Variants in PLCE1 observed in about 807,000 individuals in gnomAD.
The protein encoded by PLCE1 is phospholipase C epsilon 1.
PLCE1 carries 119 observed loss-of-function variants against 242.8 expected under a neutral mutation model. The ratio of observed to expected loss-of-function variants is 0.49; its 90% CI spans 0.42 to 0.57. The LOEUF is 0.57. Among genes scored for constraint, PLCE1 ranks in the 20% least tolerant of loss-of-function variants. The pLI is 0.00. For missense variants in PLCE1, 2,441 were observed against 2,788.8 expected (o/e 0.88, Z 2.81); for synonymous variants, 945 against 1,017.4 (o/e 0.93, Z 1.35).
At chr10:94,030,455 A>G (rs1487908589) in intron 1 of PLCE1, among the ~76,000 whole-genome samples, 2 of 149,786 alleles carry the variant, frequency 1.3e-5, no homozygotes, top group Non-Finnish European at 3.0e-5. Flanking sequence ...TTTTCTTTTT[A>G]GTTATTTAAG....
At chr10:94,156,824 T>G (rs966283250) in intron 3 of PLCE1, among the ~76,000 whole-genome samples, 2 of 152,006 alleles carry the variant, frequency 1.3e-5, no homozygotes, top group African/African-American at 4.8e-5. Context: ...GACACTCCTA[T>G]CACTAGGAAA....
intron 7 of PLCE1, among the ~76,000 whole-genome samples, chr10:94,239,366 T>C (rs1183379054): frequency 6.6e-6 from 1 of 152,212 alleles, no homozygotes; most frequent in Non-Finnish European, 1.5e-5. Context: ...AGTGTGTGGT[T>C]GTTCCTCCTG....
intron 4 of PLCE1, among the ~76,000 whole-genome samples, chr10:94,194,211 A>G (rs2048752339): frequency 6.6e-6 from 1 of 152,206 alleles, no homozygotes. Flanking sequence ...ATCCACCCAG[A>G]ACCAAATTTC....
At chr10:94,143,622 C>T (rs1215172559) in intron 3 of PLCE1, among the ~76,000 whole-genome samples, 4 of 152,098 alleles carry the variant, frequency 2.6e-5, no homozygotes, top group African/African-American at 4.8e-5. Flanking sequence ...ATTTAAACTT[C>T]TACTGGAATT....
At chr10:94,015,464 T>C (rs113287206) in intron 1 of PLCE1, among the ~76,000 whole-genome samples, 8 of 152,324 alleles carry the variant, frequency 5.3e-5, no homozygotes, top group Non-Finnish European at 1.2e-4. Flanking sequence ...ATGCATTGCA[T>C]CTATTGTTTA....
chr10:94,316,971 C>T (rs1164354185), intron 29 of PLCE1, among the ~76,000 whole-genome samples: 1 of 152,208 alleles, frequency 6.6e-6, no homozygotes, highest in African/African-American at 2.4e-5. Flanking sequence ...ATCCCTTAGA[C>T]CGGGCGTGGT....
intron 4 of PLCE1, among the ~76,000 whole-genome samples, chr10:94,179,512 G>GTTAGTTTTTTTTTTTTT (rs2048228281): frequency 5.2e-5 from 1 of 19,398 alleles, no homozygotes; most frequent in East Asian, 2.4e-3. Flanking sequence ...TTTTAGTTTA[G>GTTAGTTTTTTTTTTTTT]TTTTTTTTTT....
At chr10:94,011,825 T>C (rs931342557) in intron 1 of PLCE1, among the ~76,000 whole-genome samples, 13 of 152,150 alleles carry the variant, frequency 8.5e-5, no homozygotes, top group African/African-American at 2.9e-4. Flanking sequence ...AGAAAAGAAA[T>C]GGAGGGACCT....
intron 11 of PLCE1, among the ~76,000 whole-genome samples, chr10:94,257,807 A>G (rs1002756512): frequency 2.6e-5 from 4 of 152,198 alleles, no homozygotes; most frequent in Admixed American, 6.5e-5. Flanking sequence ...GCATTAGGAG[A>G]TATACCTAAT....
At chr10:94,269,077 A>G in intron 17 of PLCE1, 41 bp downstream of exon 17, 1 of 922,400 alleles carries the variant, frequency 1.1e-6, no homozygotes, top group East Asian at 2.5e-5. Context: ...TCACAAAGAG[A>G]CATTATCTTC....
At chr10:94,159,402 T>A (rs2047537174) in intron 3 of PLCE1, among the ~76,000 whole-genome samples, 1 of 152,216 alleles carries the variant, frequency 6.6e-6, no homozygotes, top group Admixed American at 6.5e-5. Flanking sequence ...TTCCTGAGAT[T>A]CATGTATTTA....
intron 1 of PLCE1, among the ~76,000 whole-genome samples, chr10:94,014,803 CT>C (rs1307818546): frequency 6.6e-6 from 1 of 152,164 alleles, no homozygotes; most frequent in Non-Finnish European, 1.5e-5. Context: ...GGAGAGGTGC[CT>C]GCTAAAAATG....
At chr10:94,124,534 G>A (rs2046387475) in intron 2 of PLCE1, among the ~76,000 whole-genome samples, 1 of 152,190 alleles carries the variant, frequency 6.6e-6, no homozygotes, top group Admixed American at 6.5e-5. Flanking sequence ...AGGTTATGAG[G>A]AAGAGGGTTT....
intron 3 of PLCE1, among the ~76,000 whole-genome samples, chr10:94,134,314 G>T (rs2046700491): frequency 6.6e-6 from 1 of 152,092 alleles, no homozygotes; most frequent in Non-Finnish European, 1.5e-5. Flanking sequence ...GGCCAGGCTG[G>T]TCTCGAACTC....
chr10:94,079,938 C>G (rs1007257616), intron 2 of PLCE1, among the ~76,000 whole-genome samples: 1 of 152,162 alleles, frequency 6.6e-6, no homozygotes, highest in Non-Finnish European at 1.5e-5. Flanking sequence ...CTCAATCTAC[C>G]GATTTGTTTT....
chr10:94,113,214 G>A (rs2046008688), intron 2 of PLCE1, among the ~76,000 whole-genome samples: 1 of 150,192 alleles, frequency 6.7e-6, no homozygotes, highest in Non-Finnish European at 1.5e-5. Context: ...ATTGACTTGT[G>A]TACTTTAAAT....
At chr10:94,281,392 C>CA (rs1453032857) in intron 20 of PLCE1, among the ~76,000 whole-genome samples, 1 of 151,958 alleles carries the variant, frequency 6.6e-6, no homozygotes, top group East Asian at 1.9e-4. Flanking sequence ...AAAGAAATAA[C>CA]AAAAAATTAT....
intron 2 of PLCE1, among the ~76,000 whole-genome samples, chr10:94,066,656 C>G (rs1368863084): frequency 6.6e-6 from 1 of 152,148 alleles, no homozygotes; most frequent in East Asian, 1.9e-4. Context: ...CGTGTGATTT[C>G]AACATCCTGG....
At chr10:94,029,671 T>A (rs746453226) in intron 1 of PLCE1, among the ~76,000 whole-genome samples, 9 of 152,102 alleles carry the variant, frequency 5.9e-5, no homozygotes, top group Non-Finnish European at 1.2e-4. Context: ...CCCTTGAGGC[T>A]GTGTTTGTGC....
Sources: gnomAD v4.1 joint callset for allele counts (sites outside exome capture counted in the v4.1 genomes callset) on GRCh38, gnomAD v4.1.1 for gene constraint, MANE v1.5 for transcripts, NCBI Gene and HGNC (gene_info 2026-07-23, HGNC 2026-07-21) for gene names.